The following FECH variants were observed in gnomAD, a reference collection of about 807,000 sequenced individuals.
The protein encoded by FECH is ferrochelatase, also known as ferrochelatase, mitochondrial.
A neutral mutation model predicts 56.9 loss-of-function variants in FECH; 40 were observed. That is an observed-to-expected ratio of 0.70 (90% CI 0.55 to 0.92). The LOEUF is 0.92. Ranked by LOEUF, FECH falls within the 40% of genes least tolerant of loss-of-function variation. The pLI, the probability that FECH is intolerant of heterozygous loss-of-function variation, is 0.00. For synonymous variants in FECH, 175 were observed against 198.6 expected (o/e 0.88, Z 1.00); for missense variants, 431 against 529.1 (o/e 0.81, Z 1.82).
At chr18:57,550,968 G>A in intron 10 of FECH, 122 bp from the exon 11 acceptor site, 1 of 1,297,360 alleles carries the variant, frequency 7.7e-7, no homozygotes, top group Non-Finnish European at 1.1e-6. Context: ...TCCGAGTGGT[G>A]AGCCCTTTGA....
At chr18:57,577,557 A>G (rs963479412) in intron 2 of FECH, among the ~76,000 whole-genome samples, 2 of 152,216 alleles carry the variant, frequency 1.3e-5, no homozygotes, top group African/African-American at 4.8e-5. Context: ...ACCATTTCTA[A>G]TATTAAAAAA....
intron 3 of FECH, among the ~76,000 whole-genome samples, chr18:57,572,585 A>ACG: frequency 3.0e-4 from 7 of 23,600 alleles, no homozygotes; most frequent in African/African-American, 4.2e-4. Context: ...TTGTGTAACG[A>ACG]AGTGGGGGGG....
chr18:57,571,231 T>C (rs1377938734), intron 4 of FECH, among the ~76,000 whole-genome samples, 161 bp downstream of exon 4: 1 of 152,242 alleles, frequency 6.6e-6, no homozygotes, highest in African/African-American at 2.4e-5. Context: ...GGTCAAGGGA[T>C]AACGCCTGGA....
At chr18:57,582,479 A>T (rs954803622) in intron 1 of FECH, among the ~76,000 whole-genome samples, 3 of 152,074 alleles carry the variant, frequency 2.0e-5, no homozygotes, top group African/African-American at 7.2e-5. Context: ...AAAAGGAAGG[A>T]GTGCCAGGTG....
chr18:57,578,999 G>A (rs1271446572), intron 2 of FECH, among the ~76,000 whole-genome samples: 1 of 151,416 alleles, frequency 6.6e-6, no homozygotes, highest in East Asian at 1.9e-4. Flanking sequence ...TGTAATCCCA[G>A]CACTTTGGAA....
chr18:57,576,326 C>T (rs1162783985), intron 2 of FECH, among the ~76,000 whole-genome samples: 2 of 152,180 alleles, frequency 1.3e-5, no homozygotes, highest in East Asian at 3.8e-4. Context: ...ATGCTCGAGT[C>T]CTACAACTGC....
chr18:57,561,579 T>A (rs573210868), intron 6 of FECH, among the ~76,000 whole-genome samples: 2 of 152,260 alleles, frequency 1.3e-5, no homozygotes, highest in Non-Finnish European at 2.9e-5. Flanking sequence ...GGAGGGCAGA[T>A]AAATGCCTCT....
Position 57,547,452 on chromosome 18 carries a change from C to G in FECH, c.*3260G>C, listed in dbSNP as rs1182195956. On this transcript the variant is annotated 3_prime_UTR_variant, in exon 11 of 11. Coordinates refer to ENST00000262093, the MANE Select transcript of FECH (RefSeq NM_000140.5). ...CATGCTGTTCTTGTGACAGCCAGTT[C>G]TCACGAGATCTGATGGTTTTATAAG... Among the ~76,000 whole-genome samples the G allele has an allele frequency of 6.6e-6, 1 of 152,124 alleles. No individual in the cohort carries two copies. Among genetic ancestry groups the G allele is most frequent in the Admixed American group, 6.5e-5 (1 of 15,274 alleles).
At chr18:57,566,729 T>C in intron 4 of FECH, 148 bp from the exon 5 acceptor site, 1 of 964,618 alleles carries the variant, frequency 1.0e-6, no homozygotes, top group Admixed American at 2.0e-5. Context: ...AGCATATTCC[T>C]TGGATCTTAT....
At chr18:57,572,609 GTGTA>G (rs1166651459) in intron 3 of FECH, among the ~76,000 whole-genome samples, 2 of 135,458 alleles carry the variant, frequency 1.5e-5, no homozygotes, top group Non-Finnish European at 3.1e-5. Context: ...GTGTGCATGT[GTGTA>G]TGTATGTATG....
At chr18:57,560,321 T>C (rs2050927437) in intron 6 of FECH, among the ~76,000 whole-genome samples, 2 of 152,136 alleles carry the variant, frequency 1.3e-5, no homozygotes, top group South Asian at 4.1e-4. Context: ...ACACGGGGCG[T>C]GTAAATGATA....
chr18:57,561,349 G>C (rs748515463), intron 6 of FECH, among the ~76,000 whole-genome samples: 1 of 152,162 alleles, frequency 6.6e-6, no homozygotes, highest in Non-Finnish European at 1.5e-5. Context: ...CGTATCCAAA[G>C]CCTAGTGTTT....
At position 57,562,923 on chromosome 18, in the gene FECH, A is replaced by C; in HGVS notation, c.656T>G (p.Met219Arg). Residue 219 changes from methionine to arginine, a missense_variant, in exon 6 of 11, where the codon ATG (methionine) becomes AGG (arginine). Physicochemically the swap from Met to Arg is moderately conservative, Grantham distance 91 (BLOSUM62 -1). Coordinates refer to ENST00000262093, the MANE Select transcript of FECH (RefSeq NM_000140.5). The part of the protein sequence containing the change: ...YYNQVGRKPT[M>R]KWSTIDRWPT... ...CCACCTGTCAATAGTGCTCCACTTC[A>C]TCGTGGGCTTCCGTCCCACTTGATT... 2 of 1,614,114 alleles carry C rather than the reference A, an allele frequency of 1.2e-6. No homozygotes were observed. The highest frequency in any genetic ancestry group is 1.7e-6 in the Non-Finnish European group (2 of 1,180,030).
chr18:57,554,854 CCA>C lies in FECH; in HGVS notation c.901_902del (p.Trp301AlafsTer23), dbSNP rs1430926156. ...TGTGGAAGCCACTTACCTTGGATTGCCACACCAGTCGGTAGGGGTTGCAGTAC... is the reference window on the plus strand; with the variant it reads ...TGTGGAAGCCACTTACCTTGGATTGCCACCAGTCGGTAGGGGTTGCAGTAC... ...LEYCNPYRLVWQSKVGPMPWL... is the reference protein window; with the variant it reads ...LEYCNPYRLVXQSKVGPMPWL... On this transcript the variant is annotated frameshift_variant, in exon 8 of 11. Coordinates refer to ENST00000262093, the MANE Select transcript of FECH (RefSeq NM_000140.5). LOFTEE classifies it high-confidence loss of function. 1.9e-6 allele frequency: 3 copies of C among 1,613,944 alleles called. No individual in the cohort carries two copies. The highest frequency in any genetic ancestry group is 2.5e-6 in the Non-Finnish European group (3 of 1,179,932).
chr18:57,580,098 T>C lies in FECH; in HGVS notation c.169A>G (p.Lys57Glu). The C allele has an allele frequency of 6.2e-7, 1 of 1,614,136 alleles. No individual in the cohort carries two copies. Among genetic ancestry groups the C allele is most frequent in the Non-Finnish European group, 8.5e-7 (1 of 1,180,034 alleles). The change falls in exon 2 of 11, where the codon AAA becomes GAA. Residue 57 changes from lysine (K) to glutamate (E), a missense_variant. By Grantham distance (56) the Lys-to-Glu change is moderately conservative. Transcript: ENST00000262093. ...TETAQHAQGAKPQVQPQKRKP... is the reference protein window; with the variant it reads ...TETAQHAQGAEPQVQPQKRKP... ...CTCTTCTGCGGTTGAACTTGAGGTT[T>C]TGCACCCTGGGCATGCTGGGCTGTT... is the stretch of plus-strand genomic sequence containing the variant.
chr18:57,576,085 A>G (rs986017549), intron 2 of FECH, among the ~76,000 whole-genome samples: 2 of 152,164 alleles, frequency 1.3e-5, no homozygotes, highest in Non-Finnish European at 2.9e-5. Context: ...GCCCTGTGCA[A>G]TGCAGGAGCC....
intron 3 of FECH, among the ~76,000 whole-genome samples, chr18:57,572,584 G>C (rs1425219899): frequency 6.9e-5 from 2 of 29,062 alleles, no homozygotes; most frequent in South Asian, 1.9e-3. Context: ...TTTGTGTAAC[G>C]AAGTGGGGGG....
chr18:57,551,147 C>A, intron 10 of FECH, 168 bp downstream of exon 10: 1 of 655,488 alleles, frequency 1.5e-6, no homozygotes, highest in South Asian at 1.9e-5. Context: ...AAAATTGGGG[C>A]TATCTGAAGG....
chr18:57,584,361 C>T (rs1599019889), intron 1 of FECH, among the ~76,000 whole-genome samples: 1 of 132,630 alleles, frequency 7.5e-6, no homozygotes, highest in East Asian at 2.3e-4. Flanking sequence ...AAAAAACAAA[C>T]TTCATAATTC....
Sources: allele counts gnomAD v4.1 joint callset (sites outside exome capture counted in the v4.1 genomes callset), GRCh38; gene constraint gnomAD v4.1.1; transcripts MANE v1.5; gene names NCBI Gene and HGNC (gene_info 2026-07-23, HGNC 2026-07-21).